The following SPATS2 variants were observed in gnomAD, a reference collection of about 807,000 sequenced individuals.
The protein encoded by SPATS2 is spermatogenesis associated serine rich 2.
In SPATS2, 38 loss-of-function variants were observed where a neutral mutation model predicts 63.7. The ratio of observed to expected loss-of-function variants is 0.60; its 90% CI spans 0.46 to 0.78. The LOEUF (loss-of-function observed/expected upper bound fraction) is 0.78. Among genes scored for constraint, SPATS2 ranks in the 30% least tolerant of loss-of-function variants. SPATS2 has a pLI of 0.00. For synonymous variants in SPATS2, 207 were observed against 232.9 expected, an observed-to-expected ratio of 0.89 and a Z score of 1.01; for missense variants, 588 against 666.2, an observed-to-expected ratio of 0.88 and a Z score of 1.29.
At chr12:49,515,723 A>G (rs1448448508) in intron 10 of SPATS2, among the ~76,000 whole-genome samples, 5 of 152,198 alleles carry the variant, frequency 3.3e-5, no homozygotes, top group Non-Finnish European at 7.3e-5. Context: ...TAGTTTTGAG[A>G]AGAAGGTCCT....
intron 2 of SPATS2, among the ~76,000 whole-genome samples, chr12:49,384,024 C>T (rs1436930070): frequency 6.6e-6 from 1 of 152,140 alleles, no homozygotes. Context: ...TCTCAGCTTC[C>T]CCTAATGTTA....
At chr12:49,501,674 G>A (rs1264472635) in intron 9 of SPATS2, among the ~76,000 whole-genome samples, 3 of 152,112 alleles carry the variant, frequency 2.0e-5, no homozygotes, top group Non-Finnish European at 1.5e-5. Flanking sequence ...GAGTGGAGTG[G>A]CCCAATCTTG....
chr12:49,417,669 C>G (rs541360513), intron 2 of SPATS2, among the ~76,000 whole-genome samples: 82 of 152,254 alleles, frequency 5.4e-4, no homozygotes, highest in Middle Eastern at 6.8e-3. Context: ...GTTTGTACAT[C>G]TTGAGAGATT....
At chr12:49,403,185 G>A (rs528047639) in intron 2 of SPATS2, among the ~76,000 whole-genome samples, 7 of 152,344 alleles carry the variant, frequency 4.6e-5, no homozygotes, top group Admixed American at 2.6e-4. Flanking sequence ...AAGGACAGAG[G>A]TAGTGAAGAA....
At chr12:49,387,154 T>G (rs1944331416) in intron 2 of SPATS2, 1 of 152,184 alleles carries the variant, frequency 6.6e-6, no homozygotes, top group Admixed American at 6.5e-5. Context: ...GGAAGGTAAC[T>G]TACACCACTT....
chr12:49,415,954 T>G (rs1944881680), intron 2 of SPATS2, among the ~76,000 whole-genome samples: 1 of 152,100 alleles, frequency 6.6e-6, no homozygotes, highest in Non-Finnish European at 1.5e-5. Context: ...CCTGCAGGCC[T>G]TGGCTTACAC....
Position 49,526,324 on chromosome 12 carries a change from T to TA in SPATS2, c.*70dup. 6.7e-7 allele frequency: 1 copy of TA among 1,493,960 alleles called. No homozygotes were observed. The highest frequency in any genetic ancestry group is 2.4e-5 in the Admixed American group (1 of 41,110). The allele number at this position is 1,493,960 out of a possible 1,614,324, so 92.5% of individuals were successfully genotyped here. A position where few individuals can be genotyped will look rare whatever the true frequency, so the allele number is the denominator to read the frequency against. ...CTTGATAACTGGACTTTAGGAAACT[T>TA]ACAGTTAGATGTAATAACAAAAAGA... On this transcript the variant is annotated 3_prime_UTR_variant, in exon 14 of 14. Transcript: ENST00000552918.
chr12:49,382,702 TTTTGTTTG>T (rs1032348720), intron 2 of SPATS2, among the ~76,000 whole-genome samples: 1 of 152,200 alleles, frequency 6.6e-6, no homozygotes, highest in Non-Finnish European at 1.5e-5. Context: ...TATTTTTGTA[TTTTGTTTG>T]TTTGTTTGTT....
At chr12:49,383,701 C>A (rs1247551361) in intron 2 of SPATS2, among the ~76,000 whole-genome samples, 2 of 152,148 alleles carry the variant, frequency 1.3e-5, no homozygotes, top group African/African-American at 4.8e-5. Context: ...CTTGCCCGAC[C>A]CACTTTATTC....
At position 49,494,645 on chromosome 12, in the gene SPATS2, C is replaced by T. The variant is rs981039581; in HGVS notation, c.265-96C>T. The T allele has an allele frequency of 2.5e-5, 30 of 1,212,740 alleles. No homozygotes were observed. The African/African-American group carries it at 3.8e-4, about 16-fold the overall frequency. 75.1% of individuals were successfully genotyped at this position (1,212,740 alleles called of 1,614,324 possible). On this transcript the variant is annotated intron_variant, in intron 6 of 13. Coordinates refer to ENST00000552918, the MANE Select transcript of SPATS2 (RefSeq NM_023071.4). Reference sequence around the variant, plus strand: ...GAAAGAACATACAAGAAATTGGTAACATTGGTTACCTTTGGGTAGCTAGAG... The same window carrying T: ...GAAAGAACATACAAGAAATTGGTAATATTGGTTACCTTTGGGTAGCTAGAG...
At chr12:49,468,360 A>T (rs1166487754) in intron 3 of SPATS2, among the ~76,000 whole-genome samples, 6 of 151,574 alleles carry the variant, frequency 4.0e-5, no homozygotes, top group African/African-American at 1.5e-4. Context: ...GGGTTTCACC[A>T]TGTTGGCCAG....
chr12:49,397,834 A>T (rs1194480797), intron 2 of SPATS2, among the ~76,000 whole-genome samples: 7 of 94,084 alleles, frequency 7.4e-5, no homozygotes, highest in South Asian at 4.0e-4. Flanking sequence ...TTAGCTCTTT[A>T]AAAAAAAAAA....
At chr12:49,498,039 G>C (rs1592459153) in intron 8 of SPATS2, among the ~76,000 whole-genome samples, 1 of 150,324 alleles carries the variant, frequency 6.7e-6, no homozygotes, top group South Asian at 2.1e-4. Flanking sequence ...TTACACATGA[G>C]CCAAATTTTA....
intron 2 of SPATS2, among the ~76,000 whole-genome samples, chr12:49,454,775 G>A (rs987228093): frequency 3.9e-5 from 6 of 151,954 alleles, no homozygotes; most frequent in Non-Finnish European, 8.8e-5. Flanking sequence ...CGTGACTCAG[G>A]AGGCTGAGGT....
intron 2 of SPATS2, among the ~76,000 whole-genome samples, chr12:49,396,591 C>T (rs1444965905): frequency 6.6e-6 from 1 of 152,216 alleles, no homozygotes; most frequent in Non-Finnish European, 1.5e-5. Flanking sequence ...TGGGGTCCCT[C>T]TACCACATGT....
chr12:49,389,155 C>T (rs1051181633), intron 2 of SPATS2, among the ~76,000 whole-genome samples: 2 of 152,104 alleles, frequency 1.3e-5, no homozygotes, highest in African/African-American at 4.8e-5. Context: ...ATTCAGGAAC[C>T]TCAGAATGCT....
At chr12:49,407,359 T>C (rs1028872872) in intron 2 of SPATS2, among the ~76,000 whole-genome samples, 6 of 152,118 alleles carry the variant, frequency 3.9e-5, no homozygotes, top group Non-Finnish European at 5.9e-5. Flanking sequence ...GGTTTTCCAT[T>C]TTAGAGTAAA....
intron 2 of SPATS2, among the ~76,000 whole-genome samples, chr12:49,375,730 A>C (rs956005624): frequency 3.3e-5 from 5 of 152,252 alleles, no homozygotes; most frequent in African/African-American, 1.2e-4. Context: ...TCTGTAACTA[A>C]TGTAATGACG....
rs1306191334 is a variant in SPATS2 at position 49,426,778 on chromosome 12, C to T, written c.-243-33992C>T. Reference sequence around the variant, plus strand: ...CAGGATGGTCTCGATCTCCTGACCTCGTGATCCTCCCGCCTCGGCCTCCCA... The same window carrying T: ...CAGGATGGTCTCGATCTCCTGACCTTGTGATCCTCCCGCCTCGGCCTCCCA... On this transcript the variant is annotated intron_variant, in intron 2 of 13. Coordinates refer to ENST00000552918, the MANE Select transcript of SPATS2 (RefSeq NM_023071.4). Among the ~76,000 whole-genome samples the T allele has an allele frequency of 3.9e-5, 6 of 152,128 alleles. No individual in the cohort carries two copies. In the East Asian group the frequency reaches 9.6e-4, roughly 24 times the overall value.
Sources: gnomAD v4.1 joint callset for allele counts (sites outside exome capture counted in the v4.1 genomes callset) on GRCh38, gnomAD v4.1.1 for gene constraint, MANE v1.5 for transcripts, NCBI Gene and HGNC (gene_info 2026-07-23, HGNC 2026-07-21) for gene names.